DSCAM: variants seen among roughly 807,000 people sequenced by gnomAD.
DSCAM encodes DS cell adhesion molecule, also known as cell adhesion molecule DSCAM.
In DSCAM, 47 loss-of-function variants were observed where a neutral mutation model predicts 217.7. That is an observed-to-expected ratio of 0.22 (90% CI 0.17 to 0.28). The LOEUF (loss-of-function observed/expected upper bound fraction) is 0.28. Among genes scored for constraint, DSCAM ranks in the 10% least tolerant of loss-of-function variants. DSCAM has a pLI of 1.00. For missense variants in DSCAM, 2,080 were observed against 2,618.3 expected, an observed-to-expected ratio of 0.79 and a Z score of 4.49; for synonymous variants, 1,056 against 1,015.3, an observed-to-expected ratio of 1.04 and a Z score of -0.76.
chr21:40,323,553 A>T (rs2074283647), intron 8 of DSCAM, among the ~76,000 whole-genome samples: 1 of 152,200 alleles, frequency 6.6e-6, no homozygotes. Context: ...AAACGTTTAA[A>T]AGGTGAATTT....
intron 1 of DSCAM, among the ~76,000 whole-genome samples, chr21:40,781,337 A>G (rs2091542584): frequency 6.6e-6 from 1 of 152,072 alleles, no homozygotes. Flanking sequence ...TACATTTTAA[A>G]TTTTATCATG....
intron 19 of DSCAM, 114 bp from the exon 20 acceptor site, chr21:40,124,442 G>A (rs541090311): frequency 3.1e-5 from 43 of 1,365,338 alleles, no homozygotes; most frequent in African/African-American, 2.4e-4. Flanking sequence ...CAGGATGAGC[G>A]TTATGGGTTC....
At chr21:40,035,994 T>C (rs1473970861) in intron 32 of DSCAM, among the ~76,000 whole-genome samples, 1 of 142,954 alleles carries the variant, frequency 7.0e-6, no homozygotes, top group Non-Finnish European at 1.5e-5. Context: ...CATACCAGAA[T>C]CTCTGGGACG....
At chr21:40,639,542 A>G (rs1203961587) in intron 3 of DSCAM, among the ~76,000 whole-genome samples, 1 of 152,222 alleles carries the variant, frequency 6.6e-6, no homozygotes, top group African/African-American at 2.4e-5. Flanking sequence ...TGAATAACAA[A>G]TCAGTACATA....
intron 10 of DSCAM, among the ~76,000 whole-genome samples, chr21:40,278,736 A>AGGAGGAGGAGGAGGAAG (rs1555898222): frequency 6.6e-6 from 1 of 151,548 alleles, no homozygotes; most frequent in African/African-American, 2.4e-5. Flanking sequence ...GGAGGAAGAG[A>AGGAGGAGGAGGAGGAAG]AGGAGGAGGA....
chr21:40,257,537 C>T (rs2073390935), intron 11 of DSCAM, among the ~76,000 whole-genome samples: 1 of 151,746 alleles, frequency 6.6e-6, no homozygotes, highest in Admixed American at 6.6e-5. Flanking sequence ...CTCCACATGG[C>T]TATGCTATTC....
Position 40,295,532 on chromosome 21 carries a change from C to T in DSCAM, c.2182+523G>A, listed in dbSNP as rs137955318. On this transcript the variant is annotated intron_variant, in intron 10 of 32. Coordinates refer to ENST00000400454, the MANE Select transcript of DSCAM (RefSeq NM_001389.5). ...GAGACAATCGCAATAGGACATTGGG[C>T]GTGTTTGTTTTTAAAAAGAGCACGC... Among the ~76,000 whole-genome samples, 237 of 152,088 alleles carry T rather than the reference C, an allele frequency of 1.6e-3. 1 individual carries two copies. Among genetic ancestry groups the T allele is most frequent in the African/African-American group, 5.4e-3 (223 of 41,480 alleles).
At chr21:40,162,154 A>C (rs1321263011) in intron 16 of DSCAM, among the ~76,000 whole-genome samples, 1 of 152,226 alleles carries the variant, frequency 6.6e-6, no homozygotes, top group Non-Finnish European at 1.5e-5. Context: ...CCCAGGAGGC[A>C]GAACCAGGCA....
chr21:40,138,904 G>GTGTGTA (rs2090251893), intron 18 of DSCAM, among the ~76,000 whole-genome samples: 2 of 145,844 alleles, frequency 1.4e-5, no homozygotes, highest in Admixed American at 6.8e-5. Flanking sequence ...TAAGTGTGGT[G>GTGTGTA]TGTGTGGTGT....
Position 40,085,639 on chromosome 21 carries a change from C to T in DSCAM, c.4095G>A (p.Trp1365Ter). The T allele has an allele frequency of 1.3e-6, 2 of 1,580,692 alleles. No homozygotes were observed. The highest frequency in any genetic ancestry group is 1.7e-6 in the Non-Finnish European group (2 of 1,154,568). The change falls in exon 23 of 33, where the codon TGG becomes TGA. Residue 1365 changes from tryptophan (W) to a stop codon, truncating the protein, a stop_gained. Transcript: ENST00000400454. LOFTEE classifies it high-confidence loss of function. Reference sequence around the variant, plus strand: ...AGTTTAAAATAATTTCATCAGATCCCCAGTTGTTATTGGCAATGCAGCTGT... The same window carrying T: ...AGTTTAAAATAATTTCATCAGATCCTCAGTTGTTATTGGCAATGCAGCTGT... ...GYYSCIANNNWGSDEIILNLQ... is the reference protein window; with the variant it reads ...GYYSCIANNN
chr21:40,272,289 ATT>A (rs1395782289), intron 11 of DSCAM, among the ~76,000 whole-genome samples: 1 of 152,160 alleles, frequency 6.6e-6, no homozygotes, highest in East Asian at 1.9e-4. Flanking sequence ...CATGATAATT[ATT>A]TTGGGTAAAA....
chr21:40,484,363 G>A (rs1003442909), intron 3 of DSCAM, among the ~76,000 whole-genome samples: 4 of 152,164 alleles, frequency 2.6e-5, no homozygotes, highest in African/African-American at 4.8e-5. Flanking sequence ...GAGGTTAACT[G>A]ATAGAAAACA....
At chr21:40,329,571 G>T (rs548034421) in intron 8 of DSCAM, among the ~76,000 whole-genome samples, 1 of 151,166 alleles carries the variant, frequency 6.6e-6, no homozygotes, top group Non-Finnish European at 1.5e-5. Context: ...CCGAGATCGC[G>T]CCACTGCACT....
intron 3 of DSCAM, among the ~76,000 whole-genome samples, chr21:40,473,977 G>A (rs1253444931): frequency 2.0e-5 from 3 of 152,198 alleles, no homozygotes; most frequent in Non-Finnish European, 2.9e-5. Flanking sequence ...AGCCCTAGCA[G>A]ATGAATGCAG....
chr21:40,186,246 T>C (rs2090893329), intron 14 of DSCAM, among the ~76,000 whole-genome samples: 1 of 152,188 alleles, frequency 6.6e-6, no homozygotes, highest in African/African-American at 2.4e-5. Context: ...GCCTTGAGCT[T>C]GATTTTTTAC....
At chr21:40,656,470 A>G (rs1329082833) in intron 3 of DSCAM, among the ~76,000 whole-genome samples, 1 of 151,786 alleles carries the variant, frequency 6.6e-6, no homozygotes, top group East Asian at 1.9e-4. Flanking sequence ...TCTTCACTCC[A>G]TCCTCAAGTT....
At chr21:40,314,861 G>A (rs922141307) in intron 8 of DSCAM, among the ~76,000 whole-genome samples, 7 of 152,140 alleles carry the variant, frequency 4.6e-5, no homozygotes, top group African/African-American at 1.7e-4. Context: ...TTATAAAATA[G>A]AGTGCTGCCT....
chr21:40,042,845 C>T (rs538064930), intron 31 of DSCAM, among the ~76,000 whole-genome samples, 172 bp from the exon 32 acceptor site: 113 of 152,354 alleles, frequency 7.4e-4, no homozygotes, highest in Admixed American at 1.4e-3. Flanking sequence ...GCCAGCTTCA[C>T]AAGTCTCAGC....
intron 3 of DSCAM, among the ~76,000 whole-genome samples, chr21:40,447,912 C>G (rs1334813407): frequency 6.6e-6 from 1 of 152,206 alleles, no homozygotes; most frequent in African/African-American, 2.4e-5. Context: ...CTCTATTCTT[C>G]AAGACCAATT....
Sources: gnomAD v4.1 joint callset for allele counts (sites outside exome capture counted in the v4.1 genomes callset) on GRCh38, gnomAD v4.1.1 for gene constraint, MANE v1.5 for transcripts, NCBI Gene and HGNC (gene_info 2026-07-23, HGNC 2026-07-21) for gene names.